PTPRT: variants seen among roughly 807,000 people sequenced by gnomAD.
The protein encoded by PTPRT is receptor-type tyrosine-protein phosphatase T.
PTPRT carries 56 observed loss-of-function variants against 176.8 expected under a neutral mutation model. The ratio of observed to expected loss-of-function variants is 0.32; its 90% CI spans 0.26 to 0.40. The LOEUF (loss-of-function observed/expected upper bound fraction) is 0.40, where lower values mean the gene tolerates loss of function less well. PTPRT is among the 10% of genes least tolerant of loss of function. The pLI is 1.00. For synonymous variants in PTPRT, 783 were observed against 739.0 expected (o/e 1.06, Z -0.96); for missense variants, 1,540 against 1,908.2 (o/e 0.81, Z 3.60).
At chr20:42,318,722 G>A (rs1199922905) in intron 11 of PTPRT, among the ~76,000 whole-genome samples, 5 of 152,108 alleles carry the variant, frequency 3.3e-5, no homozygotes, top group South Asian at 4.2e-4. Flanking sequence ...CCTAATCACC[G>A]CTTGAATTGA....
intron 6 of PTPRT, among the ~76,000 whole-genome samples, chr20:42,735,772 G>A (rs1483145628): frequency 2.0e-5 from 3 of 151,980 alleles, no homozygotes; most frequent in East Asian, 1.9e-4. Context: ...GGGGCTTCTC[G>A]TGCCTCTCTG....
At chr20:42,936,081 T>A (rs1359557379) in intron 1 of PTPRT, among the ~76,000 whole-genome samples, 3 of 152,046 alleles carry the variant, frequency 2.0e-5, no homozygotes, top group South Asian at 2.1e-4. Context: ...GAACAAAACA[T>A]ACAAAAATCC....
chr20:42,190,717 T>C (rs1990970677), intron 16 of PTPRT, among the ~76,000 whole-genome samples: 1 of 152,338 alleles, frequency 6.6e-6, no homozygotes, highest in East Asian at 1.9e-4. Context: ...GATGCTGCTG[T>C]TCTGGAGATC....
At chr20:43,061,853 G>C (rs749950128) in intron 1 of PTPRT, among the ~76,000 whole-genome samples, 6 of 152,204 alleles carry the variant, frequency 3.9e-5, no homozygotes, top group Non-Finnish European at 8.8e-5. Context: ...TCGAATTGCT[G>C]TGACTCAGGC....
At chr20:42,743,767 C>T (rs762843020) in intron 6 of PTPRT, among the ~76,000 whole-genome samples, 10 of 152,314 alleles carry the variant, frequency 6.6e-5, no homozygotes, top group Middle Eastern at 3.4e-3. Context: ...CATACTGAAC[C>T]TCATCGATTA....
intron 3 of PTPRT, among the ~76,000 whole-genome samples, chr20:42,790,323 C>T (rs1177180761): frequency 7.3e-5 from 11 of 151,692 alleles, no homozygotes; most frequent in African/African-American, 7.3e-5. Context: ...AATCTGTGCG[C>T]TGTGTGCATC....
intron 5 of PTPRT, among the ~76,000 whole-genome samples, chr20:42,770,478 TA>T (rs1214823384): frequency 1.3e-5 from 2 of 152,170 alleles, no homozygotes; most frequent in Non-Finnish European, 2.9e-5. Context: ...CCCTCTGTCC[TA>T]ACCCCCACTC....
chr20:42,661,488 A>T (rs2075222098), intron 7 of PTPRT, among the ~76,000 whole-genome samples: 1 of 152,158 alleles, frequency 6.6e-6, no homozygotes, highest in Non-Finnish European at 1.5e-5. Flanking sequence ...TTCAAGTATA[A>T]AGATGAAGAA....
chr20:42,061,053 A>G, the PTPRT span, among the ~76,000 whole-genome samples: 1 of 152,222 alleles, frequency 6.6e-6, no homozygotes, highest in Non-Finnish European at 1.5e-5. Flanking sequence ...TAGTGTTGTA[A>G]GAAGGATTAA....
intron 5 of PTPRT, among the ~76,000 whole-genome samples, chr20:42,766,897 C>A (rs1201417444): frequency 6.6e-6 from 1 of 152,212 alleles, no homozygotes; most frequent in African/African-American, 2.4e-5. Context: ...AGTAGACCTG[C>A]TGTAGCTGTC....
chr20:43,078,032 C>T (rs2011325802), intron 1 of PTPRT, among the ~76,000 whole-genome samples: 2 of 152,194 alleles, frequency 1.3e-5, no homozygotes, highest in Admixed American at 6.5e-5. Context: ...TTCATCACAG[C>T]ACCCAATGCC....
At position 42,230,911 on chromosome 20, in the gene PTPRT, A is replaced by G. The variant is rs78113486; in HGVS notation, c.2342+5318T>C. ...CCCTCTGTTCCATAGCTCCATTTTT[A>G]TTGGGCTGTTATTTATCCTGGTCAT... On this transcript the variant is annotated intron_variant, in intron 15 of 30. Transcript: ENST00000373187. Among the ~76,000 whole-genome samples, 486 of 152,220 alleles carry G rather than the reference A, an allele frequency of 3.2e-3. 2 individuals are homozygous for G. Among genetic ancestry groups the G allele is most frequent in the African/African-American group, 0.011 (465 of 41,528 alleles).
intron 21 of PTPRT, 52 bp downstream of exon 21, chr20:42,118,351 C>T (rs112112054): frequency 2.4e-5 from 36 of 1,474,678 alleles, no homozygotes; most frequent in African/African-American, 2.2e-4. Flanking sequence ...AAGAGATGTT[C>T]GAGAGTGCAT....
intron 2 of PTPRT, among the ~76,000 whole-genome samples, chr20:42,840,133 C>T (rs1023849250): frequency 1.3e-5 from 2 of 152,134 alleles, no homozygotes; most frequent in Non-Finnish European, 1.5e-5. Flanking sequence ...AGAATCTTTC[C>T]TTGCCTCCTC....
chr20:42,069,315 GA>G (rs1203074519), downstream of PTPRT, among the ~76,000 whole-genome samples: 1 of 152,118 alleles, frequency 6.6e-6, no homozygotes, highest in Non-Finnish European at 1.5e-5. Context: ...GGGGACTCAT[GA>G]AAAAAATTTC....
intron 9 of PTPRT, among the ~76,000 whole-genome samples, chr20:42,376,045 C>T (rs567972979): frequency 9.2e-5 from 14 of 152,224 alleles, no homozygotes; most frequent in African/African-American, 3.1e-4. Flanking sequence ...TAAAATAGTT[C>T]CAGAATCCAA....
chr20:42,875,607 T>C (rs535177403), intron 2 of PTPRT, among the ~76,000 whole-genome samples: 1 of 152,354 alleles, frequency 6.6e-6, no homozygotes, highest in South Asian at 2.1e-4. Flanking sequence ...TAGGTGTTAG[T>C]TGAATAAACC....
At chr20:42,564,758 A>G (rs1344460842) in intron 7 of PTPRT, among the ~76,000 whole-genome samples, 1 of 152,194 alleles carries the variant, frequency 6.6e-6, no homozygotes, top group Non-Finnish European at 1.5e-5. Flanking sequence ...AAAGCAAAAT[A>G]AAAATAATAA....
chr20:42,093,794 G>T (rs1285847458), intron 27 of PTPRT, among the ~76,000 whole-genome samples: 1 of 152,222 alleles, frequency 6.6e-6, no homozygotes, highest in Non-Finnish European at 1.5e-5. Context: ...CCGCTTCAAA[G>T]AACCGCCCCT....
Sources: allele counts gnomAD v4.1 joint callset (sites outside exome capture counted in the v4.1 genomes callset), GRCh38; gene constraint gnomAD v4.1.1; transcripts MANE v1.5; gene names NCBI Gene and HGNC (gene_info 2026-07-23, HGNC 2026-07-21).